Variants in SPTBN1 observed in about 807,000 individuals in gnomAD.
The protein encoded by SPTBN1 is spectrin beta, non-erythrocytic 1, also known as spectrin beta chain, non-erythrocytic 1.
A neutral mutation model predicts 266.4 loss-of-function variants in SPTBN1; 32 were observed. That is an observed-to-expected ratio of 0.12 (90% confidence interval 0.09 to 0.16). SPTBN1 has a LOEUF of 0.16. Among genes scored for constraint, SPTBN1 ranks in the 10% least tolerant of loss-of-function variants. The pLI is 1.00. For missense variants in SPTBN1, 2,296 were observed against 3,067.1 expected (o/e 0.75, Z 5.94); for synonymous variants, 1,336 against 1,162.2 (o/e 1.15, Z -3.04).
rs566562853 is a variant in SPTBN1, at chr2:54,487,587, A to T, written c.-48+31069A>T. ...ACAAAGCTGCATACTTTTCCTTCAC[A>T]ATATTATCTAATGTCACATTTCTTC... On this transcript the variant is annotated intron_variant, in intron 1 of 35. Transcript: ENST00000356805. 7.2e-5 allele frequency among the ~76,000 whole-genome samples: 11 copies of T among 152,242 alleles called. No individual in the cohort carries two copies. The East Asian group carries it at 1.9e-3, about 27-fold the overall frequency.
At chr2:54,539,284 T>A (rs1295601708) in intron 2 of SPTBN1, among the ~76,000 whole-genome samples, 1 of 152,234 alleles carries the variant, frequency 6.6e-6, no homozygotes, top group Non-Finnish European at 1.5e-5. Flanking sequence ...CTATTAATTA[T>A]CACTTTCATC....
intron 2 of SPTBN1, among the ~76,000 whole-genome samples, chr2:54,595,590 C>T (rs549210110): frequency 7.9e-5 from 12 of 152,372 alleles, no homozygotes; most frequent in Admixed American, 7.8e-4. Context: ...GCTCCTCTGC[C>T]TTGCAAAGGG....
At chr2:54,576,578 G>C (rs1026468078) in intron 2 of SPTBN1, among the ~76,000 whole-genome samples, 1 of 152,176 alleles carries the variant, frequency 6.6e-6, no homozygotes, top group South Asian at 2.1e-4. Flanking sequence ...ATGCGCCACA[G>C]CTGCCTGGCT....
At chr2:54,532,348 T>A (rs1207377951) in intron 2 of SPTBN1, among the ~76,000 whole-genome samples, 2 of 152,234 alleles carry the variant, frequency 1.3e-5, no homozygotes, top group African/African-American at 4.8e-5. Flanking sequence ...AATTTTATGT[T>A]TATATCCAAG....
chr2:54,481,009 C>T (rs1032054107), intron 1 of SPTBN1, among the ~76,000 whole-genome samples: 2 of 152,060 alleles, frequency 1.3e-5, no homozygotes. Context: ...CTTTTATTGT[C>T]ATTAAGAGTG....
chr2:54,568,120 G>A (rs888446286), intron 2 of SPTBN1, among the ~76,000 whole-genome samples: 1 of 152,070 alleles, frequency 6.6e-6, no homozygotes, highest in Non-Finnish European at 1.5e-5. Context: ...GGTGGCTCAC[G>A]CCTTAATCCC....
chr2:54,529,852 CAAAAAAAAAAAAAAAAAAA>C (rs61316795), intron 2 of SPTBN1: 24 of 62,262 alleles, frequency 3.9e-4, no homozygotes, highest in East Asian at 2.0e-3. Context: ...CTCTTTTCAC[CAAAAAAAAAAAAAAAAAAA>C]AAAAAAAAAA....
chr2:54,522,199 G>C (rs1260856621), intron 1 of SPTBN1, among the ~76,000 whole-genome samples: 1 of 152,130 alleles, frequency 6.6e-6, no homozygotes, highest in Non-Finnish European at 1.5e-5. Flanking sequence ...ACCACTCTTG[G>C]CCTAACCTTT....
intron 1 of SPTBN1, among the ~76,000 whole-genome samples, chr2:54,501,565 C>G (rs982950832): frequency 3.3e-5 from 5 of 152,208 alleles, no homozygotes; most frequent in African/African-American, 1.2e-4. Flanking sequence ...GCTGGACAGC[C>G]AGGTGTAGGT....
intron 1 of SPTBN1, among the ~76,000 whole-genome samples, chr2:54,486,583 T>C (rs1158871874): frequency 2.0e-5 from 3 of 152,158 alleles, no homozygotes; most frequent in South Asian, 2.1e-4. Context: ...ACAAATACTG[T>C]GGAAGGCAGC....
chr2:54,626,681 T>C lies in SPTBN1; in HGVS notation c.1644+447T>C, dbSNP rs1447758933. 2.0e-5 allele frequency among the ~76,000 whole-genome samples: 3 copies of C among 152,208 alleles called. No homozygotes were observed. The highest frequency in any genetic ancestry group is 4.8e-5 in the African/African-American group (2 of 41,534). ...AGGAACCAGGCAGCCAGAGTTCTGA[T>C]TGTGAGTGCCTGAGTTGCCTAATCC... is the stretch of plus-strand genomic sequence containing the variant. On this transcript the variant is annotated intron_variant, in intron 12 of 35. Coordinates refer to ENST00000356805, the MANE Select transcript of SPTBN1 (RefSeq NM_003128.3). The surrounding 1 kb of genome is among the most constrained non-coding windows in gnomAD (Gnocchi z 4.7).
intron 2 of SPTBN1, among the ~76,000 whole-genome samples, chr2:54,545,823 G>A (rs1178965256): frequency 1.3e-5 from 2 of 152,102 alleles, no homozygotes; most frequent in African/African-American, 2.4e-5. Context: ...TTGTGTATAT[G>A]CTCTTAGGGA....
At chr2:54,488,423 T>G (rs953511435) in intron 1 of SPTBN1, among the ~76,000 whole-genome samples, 4 of 152,184 alleles carry the variant, frequency 2.6e-5, no homozygotes, top group African/African-American at 9.6e-5. Context: ...CATACTGTAG[T>G]CTTCTTCCTA....
rs138123497 is a variant in SPTBN1, at chr2:54,659,885, C to G, written c.6357-51C>G. On this transcript the variant is annotated intron_variant, in intron 31 of 35. Transcript: ENST00000356805. ...CTCCCACCCTTTCTTACTGTTTCCT[C>G]TTTCTCCTCTTCTTCCTTTCCCTTC... 219 of 1,587,716 alleles carry G rather than the reference C, an allele frequency of 1.4e-4. No homozygotes were observed. The African/African-American group carries it at 1.7e-3, about 12-fold the overall frequency.
chr2:54,465,859 A>G (rs1272128571), intron 1 of SPTBN1, among the ~76,000 whole-genome samples: 1 of 152,054 alleles, frequency 6.6e-6, no homozygotes, highest in East Asian at 1.9e-4. Flanking sequence ...TTTCTATTTT[A>G]TGGTCCAAGT....
chr2:54,614,764 C>T (rs1157015198), intron 4 of SPTBN1, among the ~76,000 whole-genome samples: 1 of 151,746 alleles, frequency 6.6e-6, no homozygotes, highest in Non-Finnish European at 1.5e-5. Flanking sequence ...GATCACACCA[C>T]CGCACTCCAG....
rs141430857 is a variant in SPTBN1 at position 54,652,290 on chromosome 2, C to T, written c.5578-1319C>T. Among the ~76,000 whole-genome samples the T allele has an allele frequency of 1.6e-4, 25 of 152,028 alleles. No homozygotes were observed. In the East Asian group the frequency reaches 3.1e-3, roughly 19 times the overall value. The stretch of plus-strand genomic sequence containing the variant: ...TAGCTTCAGTTTTAAAGACATATAC[C>T]GTTCCCCAAAAAAAAGGTAAGAATG... On this transcript the variant is annotated intron_variant, in intron 26 of 35. Transcript: ENST00000356805.
chr2:54,483,247 C>G (rs1054193843), intron 1 of SPTBN1, among the ~76,000 whole-genome samples: 4 of 152,134 alleles, frequency 2.6e-5, no homozygotes, highest in African/African-American at 9.7e-5. Context: ...ACATATTTCC[C>G]GTGAAATAAA....
intron 1 of SPTBN1, among the ~76,000 whole-genome samples, chr2:54,459,604 T>C (rs1044445968): frequency 1.2e-5 from 1 of 81,974 alleles, no homozygotes; most frequent in Admixed American, 9.4e-5. Context: ...TAAAGCCTAA[T>C]TTTTTTTACG....
Sources: gnomAD v4.1 joint callset for allele counts (sites outside exome capture counted in the v4.1 genomes callset) on GRCh38, gnomAD v4.1.1 for gene constraint, Gnocchi (gnomAD v3.1) non-coding constraint, MANE v1.5 for transcripts, NCBI Gene and HGNC (gene_info 2026-07-23, HGNC 2026-07-21) for gene names.